Variants in EIF4G3 observed in about 807,000 individuals in gnomAD.
The protein encoded by EIF4G3 is eukaryotic translation initiation factor 4 gamma 3, also known as eIF-4-gamma 3.
EIF4G3 carries 34 observed loss-of-function variants against 186.4 expected under a neutral mutation model. The ratio of observed to expected loss-of-function variants is 0.18; its 90% CI spans 0.14 to 0.24. The LOEUF is 0.24. Among genes scored for constraint, EIF4G3 ranks in the 10% least tolerant of loss-of-function variants. The pLI is 1.00. For missense variants in EIF4G3, 1,536 were observed against 1,948.5 expected (o/e 0.79, Z 3.99); for synonymous variants, 673 against 679.5 (o/e 0.99, Z 0.15).
At chr1:21,018,766 G>A (rs979499162) in intron 4 of EIF4G3, among the ~76,000 whole-genome samples, 6 of 151,988 alleles carry the variant, frequency 3.9e-5, no homozygotes, top group African/African-American at 1.4e-4. Context: ...ATTTAGAAGA[G>A]CCTGTCACCT....
At chr1:20,993,266 C>A (rs963527444) in intron 7 of EIF4G3, among the ~76,000 whole-genome samples, 2 of 152,074 alleles carry the variant, frequency 1.3e-5, no homozygotes, top group Non-Finnish European at 2.9e-5. Context: ...GTTAAAAGAC[C>A]TTTTAAATAA....
intron 14 of EIF4G3, among the ~76,000 whole-genome samples, chr1:20,939,116 TAA>T (rs3051247): frequency 8.5e-5 from 11 of 129,712 alleles, no homozygotes; most frequent in African/African-American, 3.2e-4. Flanking sequence ...TAAAAAAAAT[TAA>T]AAAAAAAAAA....
At chr1:20,834,224 G>C (rs1321175601) in intron 30 of EIF4G3, among the ~76,000 whole-genome samples, 1 of 152,098 alleles carries the variant, frequency 6.6e-6, no homozygotes, top group African/African-American at 2.4e-5. Flanking sequence ...CAAGGCAGGA[G>C]GATCAATTGA....
chr1:21,023,993 T>A (rs1382408582), intron 4 of EIF4G3, among the ~76,000 whole-genome samples: 2 of 134,676 alleles, frequency 1.5e-5, no homozygotes, highest in African/African-American at 2.8e-5. Context: ...GGCCGCCCAG[T>A]CTGAGAAGTG....
intron 14 of EIF4G3, among the ~76,000 whole-genome samples, chr1:20,917,869 G>A (rs1227318136): frequency 6.6e-6 from 1 of 152,050 alleles, no homozygotes; most frequent in Non-Finnish European, 1.5e-5. Context: ...ATACGATAAT[G>A]TATGTTTACT....
At chr1:20,922,218 C>T (rs2154560028) in intron 14 of EIF4G3, among the ~76,000 whole-genome samples, 1 of 152,270 alleles carries the variant, frequency 6.6e-6, no homozygotes, top group South Asian at 2.1e-4. Context: ...TTTGGTATCT[C>T]AAATACTTAT....
intron 24 of EIF4G3, 101 bp downstream of exon 24, chr1:20,860,284 G>C (rs2076044584): frequency 6.7e-7 from 1 of 1,492,652 alleles, no homozygotes; most frequent in Non-Finnish European, 9.1e-7. Context: ...CTATTCTTTG[G>C]GCTGTTCTTT....
chr1:21,073,060 C>G (rs2095488911), intron 3 of EIF4G3, among the ~76,000 whole-genome samples: 1 of 152,202 alleles, frequency 6.6e-6, no homozygotes, highest in Admixed American at 6.5e-5. Flanking sequence ...GCGCCAGGAT[C>G]TGAATTCATT....
intron 3 of EIF4G3, among the ~76,000 whole-genome samples, chr1:21,055,900 TAA>T (rs2094541404): frequency 1.3e-5 from 2 of 152,170 alleles, no homozygotes; most frequent in Admixed American, 1.3e-4. Context: ...TACAGAACTG[TAA>T]AGAGGTACTG....
intron 4 of EIF4G3, among the ~76,000 whole-genome samples, chr1:21,032,790 G>A (rs538568564): frequency 1.5e-4 from 23 of 152,014 alleles, no homozygotes; most frequent in African/African-American, 2.7e-4. Context: ...TAAAAAAAAC[G>A]GAGTGAAAAA....
intron 30 of EIF4G3, among the ~76,000 whole-genome samples, chr1:20,831,278 A>AT (rs35154451): frequency 0.038 from 5,389 of 142,952 alleles, 152 homozygotes; most frequent in East Asian, 0.12. Context: ...AAAAATATTA[A>AT]TTTTTTTTTT....
At chr1:20,868,369 C>A (rs2078170645) in intron 20 of EIF4G3, among the ~76,000 whole-genome samples, 1 of 152,074 alleles carries the variant, frequency 6.6e-6, no homozygotes, top group South Asian at 2.1e-4. Context: ...GACCCTCTTC[C>A]TGGCTCGTAA....
At chr1:21,071,085 G>A (rs1470338592) in intron 3 of EIF4G3, among the ~76,000 whole-genome samples, 1 of 152,148 alleles carries the variant, frequency 6.6e-6, no homozygotes, top group Non-Finnish European at 1.5e-5. Flanking sequence ...AGCTTTAGTA[G>A]CCAAAATAAA....
intron 29 of EIF4G3, among the ~76,000 whole-genome samples, chr1:20,846,734 T>A (rs745414536): frequency 6.6e-6 from 1 of 152,224 alleles, no homozygotes; most frequent in Non-Finnish European, 1.5e-5. Context: ...ATAAATAGCA[T>A]AGAGGCTAAA....
intron 4 of EIF4G3, among the ~76,000 whole-genome samples, chr1:21,042,989 T>C (rs1017643405): frequency 6.6e-6 from 1 of 152,062 alleles, no homozygotes; most frequent in Non-Finnish European, 1.5e-5. Flanking sequence ...AAAAATAAAT[T>C]AGTGGCACTA....
chr1:21,086,938 CAAA>C (rs71014153), intron 3 of EIF4G3, among the ~76,000 whole-genome samples: 3 of 76,546 alleles, frequency 3.9e-5, no homozygotes, highest in Admixed American at 1.5e-4. Flanking sequence ...GATTCCTTCT[CAAA>C]AAAAAAAAAA....
At chr1:20,871,783 A>C (rs1238730457) in intron 20 of EIF4G3, among the ~76,000 whole-genome samples, 1 of 152,052 alleles carries the variant, frequency 6.6e-6, no homozygotes, top group Non-Finnish European at 1.5e-5. Flanking sequence ...TGGACATGTC[A>C]TCTTGAAAAA....
intron 2 of EIF4G3, among the ~76,000 whole-genome samples, chr1:21,109,672 T>A (rs1481831570): frequency 6.6e-6 from 1 of 152,176 alleles, no homozygotes. Context: ...ATTTTTAATG[T>A]AAGGAACAGA....
At chr1:20,817,677 TG>T in intron 33 of EIF4G3, 139 bp from the exon 34 acceptor site, 2 of 459,120 alleles carry the variant, frequency 4.4e-6, no homozygotes, top group Non-Finnish European at 6.7e-6. Context: ...ATTTTATGTT[TG>T]TAGTTTTTTT....
Sources: gnomAD v4.1 joint callset for allele counts (sites outside exome capture counted in the v4.1 genomes callset) on GRCh38, gnomAD v4.1.1 for gene constraint, MANE v1.5 for transcripts, NCBI Gene and HGNC (gene_info 2026-07-23, HGNC 2026-07-21) for gene names.